The following TRIM14 variants were observed in gnomAD, a reference collection of about 807,000 sequenced individuals.
TRIM14 encodes the protein tripartite motif-containing protein 14.
In TRIM14, 28 loss-of-function variants were observed where a neutral mutation model predicts 44.5. The ratio of observed to expected loss-of-function variants is 0.63; its 90% CI spans 0.47 to 0.86. The LOEUF is 0.86. Ranked by LOEUF, TRIM14 falls within the 40% of genes least tolerant of loss-of-function variation. The pLI, the probability that TRIM14 is intolerant of heterozygous loss-of-function variation, is 0.00. For missense variants in TRIM14, 607 were observed against 611.1 expected (o/e 0.99, Z 0.07); for synonymous variants, 299 against 269.2 (o/e 1.11, Z -1.08).
the TRIM14 span, among the ~76,000 whole-genome samples, chr9:98,037,714 C>T: frequency 6.6e-6 from 1 of 152,132 alleles, no homozygotes; most frequent in Admixed American, 6.6e-5. Flanking sequence ...TCAAAAGGAG[C>T]TTGGCACAGT....
At position 98,087,411 on chromosome 9, in the gene TRIM14, G is replaced by T; in HGVS notation, c.*59C>A. ...GGGACCAGCCACGCTGATCTAGGTA[G>T]ATTAGGCGAGACTGGGCAGCTGCGG... On this transcript the variant is annotated 3_prime_UTR_variant, in exon 6 of 6. Transcript: ENST00000341469. 1 of 1,609,746 alleles carries T rather than the reference G, an allele frequency of 6.2e-7. No homozygotes were observed. Among genetic ancestry groups the T allele is most frequent in the Non-Finnish European group, 8.5e-7 (1 of 1,176,858 alleles).
intron 3 of TRIM14, 140 bp downstream of exon 3, chr9:98,099,791 G>T: frequency 1.4e-6 from 1 of 694,032 alleles, no homozygotes. Flanking sequence ...CACCTGTGTG[G>T]GGGCAAGACA....
At chr9:98,098,921 G>A (rs556989528) in intron 3 of TRIM14, among the ~76,000 whole-genome samples, 6 of 152,072 alleles carry the variant, frequency 3.9e-5, no homozygotes, top group South Asian at 2.1e-4. Context: ...ACAGGTGCAC[G>A]CCATCACGCC....
In TRIM14 at chr9:98,087,978, T is replaced by C; in HGVS notation, c.821A>G (p.Asp274Gly). 1 of 1,558,022 alleles carries C rather than the reference T, an allele frequency of 6.4e-7. No individual in the cohort carries two copies. Among genetic ancestry groups the C allele is most frequent in the Non-Finnish European group, 8.6e-7 (1 of 1,163,472 alleles). Residue 274 changes from aspartate (D) to glycine (G), a missense_variant, in exon 6 of 6, where the codon GAC becomes GGC. Coordinates refer to ENST00000341469, the MANE Select transcript of TRIM14 (RefSeq NM_014788.4). Reference sequence around the variant, plus strand: ...CAGGCGCAGGCGCGCGTGCATCGTGTCAGGATCCAGCGTGGGCGTGCGCGC... The same window carrying C: ...CAGGCGCAGGCGCGCGTGCATCGTGCCAGGATCCAGCGTGGGCGTGCGCGC... ...KYARTPTLDP[D>G]TMHARLRLSA...
At position 98,087,989 on chromosome 9, in the gene TRIM14, C is replaced by A. The variant is rs1825856514; in HGVS notation, c.810G>T (p.Thr270=). The stretch of plus-strand genomic sequence containing the variant: ...GCGCGTGCATCGTGTCAGGATCCAG[C>A]GTGGGCGTGCGCGCGTCTGCAGGGG... The part of the protein sequence containing the change: ...SLLLKYARTP[T]LDPDTMHARL... The change falls in exon 6 of 6, where the codon ACG becomes ACT. Residue 270 remains threonine (T), a synonymous_variant. Coordinates refer to ENST00000341469, the MANE Select transcript of TRIM14 (RefSeq NM_014788.4). 1 of 1,549,548 alleles carries A rather than the reference C, an allele frequency of 6.5e-7. No individual in the cohort carries two copies. The highest frequency in any genetic ancestry group is 8.6e-7 in the Non-Finnish European group (1 of 1,160,022).
At chr9:98,114,920 A>G (rs1370387100) in intron 1 of TRIM14, among the ~76,000 whole-genome samples, 1 of 152,122 alleles carries the variant, frequency 6.6e-6, no homozygotes, top group Non-Finnish European at 1.5e-5. Context: ...AATTTGAAAC[A>G]TTGCTGATTC....
chr9:98,090,004 T>A (rs1825939777), intron 5 of TRIM14, among the ~76,000 whole-genome samples: 1 of 152,228 alleles, frequency 6.6e-6, no homozygotes, highest in Non-Finnish European at 1.5e-5. Flanking sequence ...AACATTCTTG[T>A]GCAGGTCTTT....
intron 4 of TRIM14, among the ~76,000 whole-genome samples, chr9:98,092,896 G>A (rs1256536267): frequency 6.6e-6 from 1 of 152,126 alleles, no homozygotes; most frequent in South Asian, 2.1e-4. Context: ...GTGCACTGTG[G>A]CTCAGAGGGC....
intron 1 of TRIM14, among the ~76,000 whole-genome samples, chr9:98,117,600 T>C (rs910923223): frequency 6.6e-6 from 1 of 152,218 alleles, no homozygotes; most frequent in Non-Finnish European, 1.5e-5. Flanking sequence ...CGACTGCTTA[T>C]GTCATTTTAA....
chr9:98,109,216 C>A (rs1826743543), intron 2 of TRIM14, among the ~76,000 whole-genome samples: 1 of 151,694 alleles, frequency 6.6e-6, no homozygotes, highest in South Asian at 2.1e-4. Context: ...CCAGCCCTCA[C>A]TGCGAGGAGG....
At chr9:98,042,499 G>A in the TRIM14 span, among the ~76,000 whole-genome samples, 2 of 151,940 alleles carry the variant, frequency 1.3e-5, no homozygotes, top group African/African-American at 4.8e-5. Flanking sequence ...ATCAATAAAT[G>A]CAAACAAAAA....
At chr9:98,113,387 C>T (rs373795249) in intron 1 of TRIM14, among the ~76,000 whole-genome samples, 2 of 152,240 alleles carry the variant, frequency 1.3e-5, no homozygotes, top group African/African-American at 2.4e-5. Flanking sequence ...CAGGGTCTCA[C>T]TTTGTCACCC....
the TRIM14 span, among the ~76,000 whole-genome samples, chr9:98,040,081 TG>T: frequency 6.6e-6 from 1 of 152,012 alleles, no homozygotes; most frequent in African/African-American, 2.4e-5. Context: ...TGGGCTCAAG[TG>T]GTCCTCCTGC....
At chr9:98,078,667 C>T (rs536934097) in intron 6 of TRIM14, among the ~76,000 whole-genome samples, 1 of 151,918 alleles carries the variant, frequency 6.6e-6, no homozygotes, top group Admixed American at 6.6e-5. Flanking sequence ...GAAACCCCTT[C>T]TTATTAAAAA....
chr9:98,039,058 A>G, the TRIM14 span, among the ~76,000 whole-genome samples: 1 of 151,804 alleles, frequency 6.6e-6, no homozygotes, highest in African/African-American at 2.4e-5. Flanking sequence ...AAAAAAAAAA[A>G]CCAAAAAAAA....
At chr9:98,043,240 C>T in the TRIM14 span, among the ~76,000 whole-genome samples, 46 of 151,620 alleles carry the variant, frequency 3.0e-4, no homozygotes, top group East Asian at 3.7e-3. Flanking sequence ...TGCAATGGCG[C>T]GATACTGGCT....
At chr9:98,054,842 A>C in the TRIM14 span, among the ~76,000 whole-genome samples, 5 of 152,262 alleles carry the variant, frequency 3.3e-5, no homozygotes, top group East Asian at 9.6e-4. Flanking sequence ...TGAGCCCCCA[A>C]ATTTTTAACT....
chr9:98,053,166 C>A, the TRIM14 span, among the ~76,000 whole-genome samples: 3 of 152,216 alleles, frequency 2.0e-5, no homozygotes, highest in African/African-American at 7.2e-5. Flanking sequence ...AATGCCAAAG[C>A]CTTAGTACTG....
the TRIM14 span, among the ~76,000 whole-genome samples, chr9:98,059,754 A>G: frequency 6.6e-6 from 1 of 151,500 alleles, no homozygotes; most frequent in Non-Finnish European, 1.5e-5. Context: ...ATAGTCAAAC[A>G]ATCCGGCTTT....
Sources: gnomAD v4.1 joint callset for allele counts (sites outside exome capture counted in the v4.1 genomes callset) on GRCh38, gnomAD v4.1.1 for gene constraint, MANE v1.5 for transcripts, NCBI Gene and HGNC (gene_info 2026-07-23, HGNC 2026-07-21) for gene names.